Variants in PDGFD observed in about 807,000 individuals in gnomAD.
The protein encoded by PDGFD is platelet derived growth factor D, also known as platelet-derived growth factor D.
Under a neutral mutation model 44.7 loss-of-function variants are expected in PDGFD, and 30 were observed. That is an observed-to-expected ratio of 0.67 (90% confidence interval 0.50 to 0.91). The LOEUF is 0.91. PDGFD is among the 40% of genes least tolerant of loss of function. PDGFD has a pLI of 0.00. For missense variants in PDGFD, 445 were observed against 457.8 expected (o/e 0.97, Z 0.25); for synonymous variants, 173 against 168.4 (o/e 1.03, Z -0.21).
intron 4 of PDGFD, chr11:103,946,617 C>T (rs2134325047): frequency 6.6e-6 from 1 of 152,368 alleles, no homozygotes; most frequent in Middle Eastern, 3.4e-3. Context: ...GACCCTCCTG[C>T]TTAGCCTGAG....
At chr11:104,122,149 T>A (rs1457790884) in intron 1 of PDGFD, among the ~76,000 whole-genome samples, 3 of 151,614 alleles carry the variant, frequency 2.0e-5, no homozygotes, top group African/African-American at 7.3e-5. Flanking sequence ...AATCAAACTG[T>A]AAACATAGAC....
intron 3 of PDGFD, among the ~76,000 whole-genome samples, chr11:103,994,744 T>C (rs1859510445): frequency 6.6e-6 from 1 of 152,114 alleles, no homozygotes; most frequent in African/African-American, 2.4e-5. Flanking sequence ...TAAAAGGCAA[T>C]ATGCTACAAA....
intron 1 of PDGFD, among the ~76,000 whole-genome samples, chr11:104,157,917 T>C (rs1181471912): frequency 1.4e-5 from 2 of 145,098 alleles, no homozygotes; most frequent in African/African-American, 5.0e-5. Context: ...GATAAATTTA[T>C]ACAATCTTTA....
At chr11:104,095,013 T>G (rs1403118736) in intron 1 of PDGFD, among the ~76,000 whole-genome samples, 1 of 152,112 alleles carries the variant, frequency 6.6e-6, no homozygotes, top group East Asian at 1.9e-4. Context: ...GGCATCAAGA[T>G]CTTTTCTGCC....
intron 3 of PDGFD, among the ~76,000 whole-genome samples, chr11:103,953,671 G>A (rs1329427009): frequency 1.3e-5 from 2 of 152,046 alleles, no homozygotes; most frequent in Admixed American, 1.3e-4. Context: ...AATCAAGAAG[G>A]TTTATTTATC....
Position 104,163,915 on chromosome 11 carries a change from T to G in PDGFD, c.13A>C (p.Ile5Leu), listed in dbSNP as rs754414098. 3 of 1,549,746 alleles carry G rather than the reference T, an allele frequency of 1.9e-6. No individual in the cohort carries two copies. Among genetic ancestry groups the G allele is most frequent in the Non-Finnish European group, 2.6e-6 (3 of 1,134,392 alleles). MHRL[I>L]FVYTLICANF... ...GCGCAGATTAGAGTGTAGACAAAGA[T>G]GAGCCGGTGCATTTGGGATCAGCGA... Residue 5 changes from isoleucine (I) to leucine (L), a missense_variant, in exon 1 of 7, where the codon ATC becomes CTC. By Grantham distance (5) the Ile-to-Leu change is conservative. Transcript: ENST00000393158.
At chr11:103,915,291 T>C (rs992348724) in intron 6 of PDGFD, among the ~76,000 whole-genome samples, 2 of 152,182 alleles carry the variant, frequency 1.3e-5, no homozygotes, top group African/African-American at 4.8e-5. Context: ...CAAGCATTCT[T>C]ATACGCCAAT....
intron 1 of PDGFD, among the ~76,000 whole-genome samples, chr11:104,145,639 C>A (rs1591185853): frequency 6.6e-6 from 1 of 152,190 alleles, no homozygotes; most frequent in East Asian, 1.9e-4. Flanking sequence ...GCTCTTTAGG[C>A]CTTTTAGACT....
chr11:104,108,846 A>T (rs1392289528), intron 1 of PDGFD, among the ~76,000 whole-genome samples: 1 of 152,168 alleles, frequency 6.6e-6, no homozygotes, highest in African/African-American at 2.4e-5. Flanking sequence ...TGTGGCACAT[A>T]TACACCATGG....
At position 103,909,409 on chromosome 11, in the gene PDGFD, T is replaced by C. The variant is rs867001240; in HGVS notation, c.*285A>G. The stretch of plus-strand genomic sequence containing the variant: ...TATATATACCAAAAAAAACATTTGA[T>C]CTATATACACATAGACATGAATATA... On this transcript the variant is annotated 3_prime_UTR_variant, in exon 7 of 7. Coordinates refer to ENST00000393158, the MANE Select transcript of PDGFD (RefSeq NM_025208.5). 21 of 278,042 alleles carry C rather than the reference T, an allele frequency of 7.6e-5. 1 individual carries two copies. Among genetic ancestry groups the C allele is most frequent in the Middle Eastern group, 2.3e-3 (2 of 874 alleles). The allele number at this position is 278,042 out of a possible 1,614,324, so 17.2% of individuals were successfully genotyped here. A position where few individuals can be genotyped will look rare whatever the true frequency, so the allele number is the denominator to read the frequency against.
At chr11:103,955,499 T>A (rs1184111856) in intron 3 of PDGFD, among the ~76,000 whole-genome samples, 1 of 152,196 alleles carries the variant, frequency 6.6e-6, no homozygotes, top group Non-Finnish European at 1.5e-5. Flanking sequence ...ACCCTTAGAA[T>A]CAATAAAACT....
intron 1 of PDGFD, among the ~76,000 whole-genome samples, chr11:104,111,719 C>T (rs1286864951): frequency 6.6e-6 from 1 of 152,068 alleles, no homozygotes; most frequent in Admixed American, 6.6e-5. Flanking sequence ...CATGTTTCTT[C>T]CATACTTTAG....
rs1336766933 is a variant in PDGFD, at chr11:103,909,209, C to G, written c.*485G>C. 1 of 152,598 alleles carries G rather than the reference C, an allele frequency of 6.6e-6. No homozygotes were observed. The highest frequency in any genetic ancestry group is 1.5e-5 in the Non-Finnish European group (1 of 68,384). The allele number at this position is 152,598 out of a possible 1,614,324, so 9.5% of individuals were successfully genotyped here. On this transcript the variant is annotated 3_prime_UTR_variant, in exon 7 of 7. Coordinates refer to ENST00000393158, the MANE Select transcript of PDGFD (RefSeq NM_025208.5). ...GCCTCATCTTTTGATTTTTAATATA[C>G]AAGATGCTTTCTTTAAGAGAGCAAG...
rs1215472685 is a variant in PDGFD at position 104,027,068 on chromosome 11, T to C, written c.125-26813A>G. Among the ~76,000 whole-genome samples the C allele has an allele frequency of 2.0e-5, 3 of 152,256 alleles. 1 individual carries two copies. The highest frequency in any genetic ancestry group is 4.1e-4 in the South Asian group (2 of 4,832). ...CCTTATGAACAAAGACCTTGTCATC[T>C]ACTTTCTTTAACCTCCAAGAACACT... On this transcript the variant is annotated intron_variant, in intron 1 of 6. Transcript: ENST00000393158.
At chr11:103,998,664 A>G (rs1859574316) in intron 2 of PDGFD, among the ~76,000 whole-genome samples, 1 of 152,018 alleles carries the variant, frequency 6.6e-6, no homozygotes, top group Admixed American at 6.6e-5. Flanking sequence ...GGGTTATGGA[A>G]CCCCTATTTA....
intron 1 of PDGFD, among the ~76,000 whole-genome samples, chr11:104,035,335 G>A (rs955802524): frequency 6.6e-6 from 1 of 152,014 alleles, no homozygotes; most frequent in African/African-American, 2.4e-5. Context: ...TTTTACTCAA[G>A]AAACATGTTT....
At chr11:104,084,828 T>C (rs1861104729) in intron 1 of PDGFD, among the ~76,000 whole-genome samples, 1 of 146,162 alleles carries the variant, frequency 6.8e-6, no homozygotes, top group Non-Finnish European at 1.5e-5. Flanking sequence ...AATATAAATA[T>C]AAAATATATG....
At chr11:104,038,214 T>C in intron 1 of PDGFD, 1 of 586,504 alleles carries the variant, frequency 1.7e-6, no homozygotes, top group South Asian at 2.7e-5. Flanking sequence ...TGTCCAGAGA[T>C]CACTGAAAGG....
intron 1 of PDGFD, among the ~76,000 whole-genome samples, chr11:104,151,234 C>T (rs985520477): frequency 1.3e-5 from 2 of 152,100 alleles, no homozygotes; most frequent in Non-Finnish European, 2.9e-5. Context: ...GAGTGGCCAA[C>T]TAACTGGTCC....
Sources: allele counts gnomAD v4.1 joint callset (sites outside exome capture counted in the v4.1 genomes callset), GRCh38; gene constraint gnomAD v4.1.1; transcripts MANE v1.5; gene names NCBI Gene and HGNC (gene_info 2026-07-23, HGNC 2026-07-21).